NREP: variants seen among roughly 807,000 people sequenced by gnomAD.
The protein encoded by NREP is neuronal regeneration-related protein.
NREP carries 5 observed loss-of-function variants against 8.6 expected under a neutral mutation model. That is an observed-to-expected ratio of 0.58 (90% CI 0.30 to 1.22). The LOEUF (loss-of-function observed/expected upper bound fraction) is 1.22. NREP is among the 50% of genes most tolerant of loss of function. NREP has a pLI of 0.07. For missense variants in NREP, 86 were observed against 82.5 expected (o/e 1.04, Z -0.17); for synonymous variants, 27 against 28.0 (o/e 0.96, Z 0.11).
intron 2 of NREP, among the ~76,000 whole-genome samples, chr5:111,744,270 C>G (rs574516601): frequency 6.6e-6 from 1 of 152,232 alleles, no homozygotes; most frequent in Non-Finnish European, 1.5e-5. Flanking sequence ...CTTGCACTGT[C>G]CTGGTCATTT....
intron 2 of NREP, among the ~76,000 whole-genome samples, chr5:111,751,281 A>G (rs535305564): frequency 6.6e-6 from 1 of 152,160 alleles, no homozygotes; most frequent in African/African-American, 2.4e-5. Flanking sequence ...ATTACTACTA[A>G]TAACTGAAGT....
chr5:111,824,129 A>T (rs1473746982), intron 2 of NREP, among the ~76,000 whole-genome samples: 1 of 152,152 alleles, frequency 6.6e-6, no homozygotes, highest in Non-Finnish European at 1.5e-5. Context: ...CCAGCACTTC[A>T]GGAGGCTGAG....
intron 2 of NREP, among the ~76,000 whole-genome samples, chr5:111,737,382 TACC>T (rs983073848): frequency 5.3e-5 from 8 of 152,226 alleles, no homozygotes; most frequent in African/African-American, 1.7e-4. Flanking sequence ...ATTTCTATAT[TACC>T]ACTTTAAAAA....
chr5:111,896,331 G>C (rs1185112995), intron 2 of NREP, among the ~76,000 whole-genome samples: 1 of 152,156 alleles, frequency 6.6e-6, no homozygotes, highest in Admixed American at 6.6e-5. Flanking sequence ...GTCATTTTAA[G>C]ATGGGAAGAC....
chr5:111,859,357 AG>A (rs1270272005), intron 2 of NREP, among the ~76,000 whole-genome samples: 6 of 152,210 alleles, frequency 3.9e-5, no homozygotes, highest in Non-Finnish European at 8.8e-5. Flanking sequence ...ATCCATCCAA[AG>A]AAAGGGAAAT....
At chr5:111,804,551 CA>C (rs1752091138) in intron 2 of NREP, among the ~76,000 whole-genome samples, 1 of 152,156 alleles carries the variant, frequency 6.6e-6, no homozygotes, top group African/African-American at 2.4e-5. Context: ...CATTAAGCAA[CA>C]ATAAAATTTT....
At chr5:111,797,480 A>G (rs1485620038) in intron 2 of NREP, among the ~76,000 whole-genome samples, 1 of 152,222 alleles carries the variant, frequency 6.6e-6, no homozygotes, top group Non-Finnish European at 1.5e-5. Flanking sequence ...CATGTTCTGC[A>G]TGATTTGTCT....
At chr5:111,919,491 A>G (rs1054152924) in intron 2 of NREP, among the ~76,000 whole-genome samples, 1 of 152,196 alleles carries the variant, frequency 6.6e-6, no homozygotes, top group African/African-American at 2.4e-5. Flanking sequence ...CATCAATGAT[A>G]GACTGGATAA....
intron 2 of NREP, among the ~76,000 whole-genome samples, chr5:111,794,302 G>T (rs559142587): frequency 1.3e-5 from 2 of 152,272 alleles, no homozygotes; most frequent in East Asian, 3.9e-4. Flanking sequence ...ATACAGTCCA[G>T]CAAATGGGCT....
intron 2 of NREP, among the ~76,000 whole-genome samples, chr5:111,906,799 C>A (rs1754789242): frequency 6.6e-6 from 1 of 152,058 alleles, no homozygotes; most frequent in Non-Finnish European, 1.5e-5. Context: ...GCTTATTTGG[C>A]ATCTAAGTAT....
intron 2 of NREP, among the ~76,000 whole-genome samples, chr5:111,944,294 C>G (rs947542196): frequency 1.3e-5 from 2 of 151,724 alleles, no homozygotes; most frequent in African/African-American, 4.8e-5. Context: ...TTTCTCATTC[C>G]TCTTTGTTCT....
chr5:111,964,752 C>T (rs1230261710), intron 2 of NREP, among the ~76,000 whole-genome samples: 1 of 150,458 alleles, frequency 6.6e-6, no homozygotes, highest in African/African-American at 2.4e-5. Flanking sequence ...AACATGCCTT[C>T]CAGCTTACAT....
intron 2 of NREP, among the ~76,000 whole-genome samples, chr5:111,904,039 T>C (rs1350784777): frequency 1.3e-5 from 2 of 152,132 alleles, no homozygotes; most frequent in African/African-American, 4.8e-5. Context: ...CTTAAGAATA[T>C]TTTTATAATT....
intron 2 of NREP, among the ~76,000 whole-genome samples, chr5:111,870,962 A>T (rs1305254049): frequency 6.6e-6 from 1 of 152,138 alleles, no homozygotes; most frequent in Non-Finnish European, 1.5e-5. Context: ...AAACTAACAC[A>T]AGGCATAAAA....
upstream of NREP, among the ~76,000 whole-genome samples, chr5:111,760,586 C>T (rs1376662023): frequency 6.6e-6 from 1 of 152,188 alleles, no homozygotes; most frequent in African/African-American, 2.4e-5. Flanking sequence ...CTTTCTAAAT[C>T]AGACCAGCAG....
intron 2 of NREP, among the ~76,000 whole-genome samples, chr5:111,766,246 A>C (rs952836530): frequency 6.6e-6 from 1 of 152,168 alleles, no homozygotes; most frequent in Non-Finnish European, 1.5e-5. Context: ...GCATCACAAT[A>C]AAACAGTAAG....
chr5:111,734,723 AT>A (rs1391180526), intron 3 of NREP: 1 of 700,856 alleles, frequency 1.4e-6, no homozygotes, highest in Admixed American at 2.0e-5. Flanking sequence ...TTTTCAGTGG[AT>A]TCTGTTTTTC....
At chr5:111,826,255 A>C (rs1752622658) in intron 2 of NREP, among the ~76,000 whole-genome samples, 1 of 152,202 alleles carries the variant, frequency 6.6e-6, no homozygotes, top group Admixed American at 6.5e-5. Flanking sequence ...AAATGGACCA[A>C]TCAGCTCTCT....
chr5:111,830,532 A>G (rs1340519326), intron 2 of NREP, among the ~76,000 whole-genome samples: 2 of 152,204 alleles, frequency 1.3e-5, no homozygotes, highest in Non-Finnish European at 1.5e-5. Flanking sequence ...TCAACAGTTT[A>G]TTTGGCTGAG....
Sources: allele counts gnomAD v4.1 joint callset (sites outside exome capture counted in the v4.1 genomes callset), GRCh38; gene constraint gnomAD v4.1.1; transcripts MANE v1.5; gene names NCBI Gene and HGNC (gene_info 2026-07-23, HGNC 2026-07-21).